Variants in GABRB1 observed in about 807,000 individuals in gnomAD.
The protein encoded by GABRB1 is gamma-aminobutyric acid receptor subunit beta-1.
A neutral mutation model predicts 51.6 loss-of-function variants in GABRB1; 17 were observed. That is an observed-to-expected ratio of 0.33 (90% CI 0.23 to 0.49). The LOEUF is 0.49. GABRB1 is among the 20% of genes least tolerant of loss of function. GABRB1 has a pLI of 0.99. For missense variants in GABRB1, 410 were observed against 600.6 expected (o/e 0.68, Z 3.32); for synonymous variants, 247 against 218.9 (o/e 1.13, Z -1.14).
chr4:47,123,318 T>TATATATATTAGATAATATTATATA (rs1222787425), intron 3 of GABRB1, among the ~76,000 whole-genome samples: 1 of 136,466 alleles, frequency 7.3e-6, no homozygotes, highest in Non-Finnish European at 1.5e-5. Flanking sequence ...TATATAATAT[T>TATATATATTAGATAATATTATATA]ATATATATTA....
chr4:47,181,052 T>A (rs1382030593), intron 4 of GABRB1, among the ~76,000 whole-genome samples: 1 of 152,006 alleles, frequency 6.6e-6, no homozygotes, highest in Non-Finnish European at 1.5e-5. Context: ...GTATTCAAAT[T>A]AAAGACTCAG....
chr4:47,114,198 CG>C (rs34603356), intron 3 of GABRB1, among the ~76,000 whole-genome samples: 58,686 of 151,962 alleles, frequency 0.39, 11,594 homozygotes, highest in South Asian at 0.45. Context: ...CATTCCAAGG[CG>C]TATGAAGAGA....
chr4:47,385,109 C>T (rs1454106757), intron 5 of GABRB1, among the ~76,000 whole-genome samples: 10 of 152,190 alleles, frequency 6.6e-5, no homozygotes, highest in Non-Finnish European at 1.3e-4. Flanking sequence ...AGGTTTCAAT[C>T]TTCCTTTTTA....
chr4:47,077,847 T>C (rs1316003891), intron 3 of GABRB1, among the ~76,000 whole-genome samples: 1 of 141,300 alleles, frequency 7.1e-6, no homozygotes. Context: ...ATATTTTATA[T>C]ATATTTTTAT....
chr4:47,183,564 T>C (rs893158633), intron 4 of GABRB1, among the ~76,000 whole-genome samples: 5 of 151,712 alleles, frequency 3.3e-5, no homozygotes, highest in African/African-American at 1.2e-4. Context: ...ATTTCTTCCA[T>C]GGAGTTCCCA....
intron 4 of GABRB1, among the ~76,000 whole-genome samples, chr4:47,193,494 T>C (rs1051462382): frequency 6.6e-6 from 1 of 152,234 alleles, no homozygotes; most frequent in Non-Finnish European, 1.5e-5. Flanking sequence ...TCTGTAAGCA[T>C]TGATAATTTA....
At chr4:47,265,847 T>G (rs1329101056) in intron 4 of GABRB1, among the ~76,000 whole-genome samples, 1 of 152,138 alleles carries the variant, frequency 6.6e-6, no homozygotes, top group East Asian at 1.9e-4. Context: ...TAGATATTAG[T>G]TCTTTGCCAG....
intron 5 of GABRB1, among the ~76,000 whole-genome samples, chr4:47,322,925 C>T (rs147212767): frequency 0.018 from 2,795 of 152,070 alleles, 71 homozygotes; most frequent in African/African-American, 0.064. Context: ...GCTGAGATCA[C>T]GCCACCGCAC....
chr4:47,305,933 A>G (rs1724451493), intron 4 of GABRB1, among the ~76,000 whole-genome samples: 1 of 152,122 alleles, frequency 6.6e-6, no homozygotes. Flanking sequence ...CTTTTTTTAA[A>G]TATCAGAAAG....
rs185157475 is a variant in GABRB1, at chr4:47,295,372, C to T, written c.462-24755C>T. ...TTAAAAACTTTGAAAAAAATTTAGA[C>T]GAATGAATAACTAGAATAACCAATA... On this transcript the variant is annotated intron_variant, in intron 4 of 8. Transcript: ENST00000295454. 6.1e-3 allele frequency among the ~76,000 whole-genome samples: 924 copies of T among 152,140 alleles called. 14 individuals carry two copies. Among genetic ancestry groups the T allele is most frequent in the African/African-American group, 0.021 (854 of 41,510 alleles).
At chr4:47,007,324 T>C (rs1165137520) in intron 1 of GABRB1, among the ~76,000 whole-genome samples, 1 of 152,170 alleles carries the variant, frequency 6.6e-6, no homozygotes, top group Non-Finnish European at 1.5e-5. Flanking sequence ...GTCAGAATGA[T>C]CTAATAATTC....
intron 4 of GABRB1, among the ~76,000 whole-genome samples, chr4:47,214,641 A>C (rs1448617521): frequency 6.6e-6 from 1 of 152,186 alleles, no homozygotes; most frequent in Admixed American, 6.5e-5. Context: ...AAAGTGTTCA[A>C]GTATATTATA....
At chr4:47,096,292 A>C (rs903984964) in intron 3 of GABRB1, among the ~76,000 whole-genome samples, 17 of 152,178 alleles carry the variant, frequency 1.1e-4, no homozygotes, top group Non-Finnish European at 5.9e-5. Context: ...ACGCCAAGCC[A>C]AGTAGGTAGT....
At chr4:47,102,216 G>A (rs1252645803) in intron 3 of GABRB1, among the ~76,000 whole-genome samples, 1 of 151,944 alleles carries the variant, frequency 6.6e-6, no homozygotes, top group Admixed American at 6.6e-5. Flanking sequence ...AGGATGGGAA[G>A]CTTGGATTTA....
chr4:47,047,583 A>G (rs1726154124), intron 3 of GABRB1, among the ~76,000 whole-genome samples: 1 of 152,122 alleles, frequency 6.6e-6, no homozygotes, highest in African/African-American at 2.4e-5. Flanking sequence ...TTCTAGTAAC[A>G]TTTAAACATA....
intron 3 of GABRB1, among the ~76,000 whole-genome samples, chr4:47,070,831 A>G (rs928124588): frequency 2.0e-5 from 3 of 152,176 alleles, no homozygotes; most frequent in Non-Finnish European, 4.4e-5. Context: ...GAGTTCATCC[A>G]GTCTAATGGC....
intron 3 of GABRB1, among the ~76,000 whole-genome samples, chr4:47,063,881 T>C (rs545000175): frequency 6.6e-6 from 1 of 151,974 alleles, no homozygotes; most frequent in South Asian, 2.1e-4. Context: ...CTGGGGCCTG[T>C]CAGGGGAGGG....
chr4:47,328,740 G>A (rs964884266), intron 5 of GABRB1, among the ~76,000 whole-genome samples: 1 of 152,004 alleles, frequency 6.6e-6, no homozygotes, highest in Non-Finnish European at 1.5e-5. Flanking sequence ...ACACAGGAAG[G>A]GGAACATCAT....
At chr4:47,014,727 T>C (rs2109443824) in intron 1 of GABRB1, among the ~76,000 whole-genome samples, 1 of 152,294 alleles carries the variant, frequency 6.6e-6, no homozygotes, top group Admixed American at 6.5e-5. Flanking sequence ...GTTAAGTATA[T>C]GATTCTGAAG....
Sources: gnomAD v4.1 joint callset for allele counts (sites outside exome capture counted in the v4.1 genomes callset) on GRCh38, gnomAD v4.1.1 for gene constraint, MANE v1.5 for transcripts, NCBI Gene and HGNC (gene_info 2026-07-23, HGNC 2026-07-21) for gene names.